Variants in TMED3 observed in about 807,000 individuals in gnomAD.
TMED3 encodes the protein transmembrane emp24 domain-containing protein 3.
TMED3 carries 9 observed loss-of-function variants against 15.0 expected under a neutral mutation model. The ratio of observed to expected loss-of-function variants is 0.60; its 90% CI spans 0.36 to 1.04. The LOEUF (loss-of-function observed/expected upper bound fraction) is 1.04, where lower values mean the gene tolerates loss of function less well. Ranked by LOEUF, TMED3 falls within the 50% of genes least tolerant of loss-of-function variation. The pLI is 0.01. For missense variants in TMED3, 267 were observed against 278.9 expected, an observed-to-expected ratio of 0.96 and a Z score of 0.30; for synonymous variants, 117 against 121.4, an observed-to-expected ratio of 0.96 and a Z score of 0.24.
At chr15:79,383,263 T>G (rs1893568159) in intron 2 of TMED3, 2 of 548,550 alleles carry the variant, frequency 3.6e-6, no homozygotes, top group Non-Finnish European at 6.5e-6. Flanking sequence ...CTATCTTGTT[T>G]TGGAAAATGT....
intron 1 of TMED3, among the ~76,000 whole-genome samples, chr15:79,313,153 A>C (rs1394622598): frequency 6.6e-6 from 1 of 152,178 alleles, no homozygotes; most frequent in Non-Finnish European, 1.5e-5. Flanking sequence ...AATGAGTGGC[A>C]GTGCCCTAAA....
chr15:79,402,750 C>T (rs1041177034), intron 2 of TMED3, among the ~76,000 whole-genome samples: 2 of 151,930 alleles, frequency 1.3e-5, no homozygotes, highest in African/African-American at 2.4e-5. Flanking sequence ...CGTGCCACTG[C>T]ACTCCAGCCT....
At chr15:79,409,799 G>A (rs1429349170) in intron 2 of TMED3, among the ~76,000 whole-genome samples, 1 of 152,082 alleles carries the variant, frequency 6.6e-6, no homozygotes, top group Non-Finnish European at 1.5e-5. Flanking sequence ...TAGTGAAGAG[G>A]CCAAGGTTCT....
downstream of TMED3, among the ~76,000 whole-genome samples, chr15:79,325,703 A>G (rs138154073): frequency 3.9e-4 from 60 of 152,288 alleles, no homozygotes; most frequent in African/African-American, 1.4e-3. Context: ...TAGGGAGGCC[A>G]ACAGTGCAGC....
At chr15:79,354,931 T>C (rs1308669971) in intron 2 of TMED3, among the ~76,000 whole-genome samples, 5 of 152,166 alleles carry the variant, frequency 3.3e-5, no homozygotes, top group Admixed American at 6.5e-5. Context: ...CTTAGCCCCA[T>C]AATGCCCTCT....
chr15:79,367,467 T>C (rs1315251040), intron 2 of TMED3, among the ~76,000 whole-genome samples: 1 of 152,208 alleles, frequency 6.6e-6, no homozygotes, highest in African/African-American at 2.4e-5. Context: ...ACCTCTTCCT[T>C]AAACTCTCCC....
At position 79,311,238 on chromosome 15, in the gene TMED3, A is replaced by AC; in HGVS notation, c.-10dup. 2 of 1,592,856 alleles carry AC rather than the reference A, an allele frequency of 1.3e-6. No homozygotes were observed. Among genetic ancestry groups the AC allele is most frequent in the Non-Finnish European group, 1.7e-6 (2 of 1,173,128 alleles). Reference sequence around the variant, plus strand: ...CCCGAGCCGCGGCCCTCGAGACGGGACCGAGAGCATCATGGGCAGCACTGT... The same window carrying AC: ...CCCGAGCCGCGGCCCTCGAGACGGGACCCGAGAGCATCATGGGCAGCACTGT... On this transcript the variant is annotated 5_prime_UTR_variant, in exon 1 of 3. Coordinates refer to ENST00000299705, the MANE Select transcript of TMED3 (RefSeq NM_007364.4).
intron 2 of TMED3, among the ~76,000 whole-genome samples, chr15:79,321,186 G>A (rs1281399099): frequency 6.6e-6 from 1 of 152,184 alleles, no homozygotes; most frequent in African/African-American, 2.4e-5. Context: ...CCATCTTCAG[G>A]TCAGCTGTGT....
At chr15:79,379,258 G>A (rs1009788591) in intron 2 of TMED3, among the ~76,000 whole-genome samples, 2 of 152,010 alleles carry the variant, frequency 1.3e-5, no homozygotes, top group Non-Finnish European at 2.9e-5. Context: ...TGCCTGCTTT[G>A]TAAATAATTT....
intron 2 of TMED3, among the ~76,000 whole-genome samples, chr15:79,367,943 T>C (rs1025617269): frequency 9.2e-5 from 14 of 152,148 alleles, no homozygotes; most frequent in Non-Finnish European, 1.6e-4. Context: ...TGAGTATACC[T>C]TTATCCAGGC....
At chr15:79,324,506 A>G (rs1307114132), downstream of TMED3, among the ~76,000 whole-genome samples, 1 of 152,218 alleles carries the variant, frequency 6.6e-6, no homozygotes, top group African/African-American at 2.4e-5. Context: ...ATGGATGATG[A>G]TGGGTATCAA....
chr15:79,360,324 GC>G (rs769899648), intron 2 of TMED3, among the ~76,000 whole-genome samples: 1 of 152,158 alleles, frequency 6.6e-6, no homozygotes, highest in Non-Finnish European at 1.5e-5. Context: ...AAAGTAGAGG[GC>G]CCAGGTTTCT....
At chr15:79,395,266 G>A (rs528727746) in intron 2 of TMED3, among the ~76,000 whole-genome samples, 3 of 152,204 alleles carry the variant, frequency 2.0e-5, no homozygotes, top group South Asian at 2.1e-4. Flanking sequence ...TGAAACCTCC[G>A]CCTCCTGGAT....
intron 2 of TMED3, among the ~76,000 whole-genome samples, chr15:79,337,361 C>T (rs1206744093): frequency 6.6e-6 from 1 of 152,192 alleles, no homozygotes; most frequent in Non-Finnish European, 1.5e-5. Context: ...AATTTAATTA[C>T]TTCTTTAAGC....
At chr15:79,344,808 G>A (rs1409581782) in intron 2 of TMED3, among the ~76,000 whole-genome samples, 1 of 152,168 alleles carries the variant, frequency 6.6e-6, no homozygotes, top group African/African-American at 2.4e-5. Flanking sequence ...AAACATTGGA[G>A]GCAAAGACTT....
intron 2 of TMED3, among the ~76,000 whole-genome samples, chr15:79,316,582 A>G (rs2058741266): frequency 6.6e-6 from 1 of 152,200 alleles, no homozygotes; most frequent in Non-Finnish European, 1.5e-5. Flanking sequence ...TACAGACTGA[A>G]GACCTCGGCA....
chr15:79,344,537 C>G (rs528306420), intron 2 of TMED3, among the ~76,000 whole-genome samples: 1 of 152,146 alleles, frequency 6.6e-6, no homozygotes, highest in South Asian at 2.1e-4. Flanking sequence ...GTTTCTTGGT[C>G]TCTCTCTCTT....
At chr15:79,376,092 G>GTTTTTTTTTTTTTTTTTTTTTTTTTT (rs199728545) in intron 2 of TMED3, among the ~76,000 whole-genome samples, 2 of 112,064 alleles carry the variant, frequency 1.8e-5, no homozygotes, top group African/African-American at 3.6e-5. Flanking sequence ...CTAGAGAAAG[G>GTTTTTTTTTTTTTTTTTTTTTTTTTT]TTTTTTTTTT....
chr15:79,354,246 C>T (rs1335520582), intron 2 of TMED3, among the ~76,000 whole-genome samples: 1 of 152,038 alleles, frequency 6.6e-6, no homozygotes, highest in East Asian at 1.9e-4. Flanking sequence ...CTTGGCTGTT[C>T]TCTGTGGGGT....
Sources: gnomAD v4.1 joint callset for allele counts (sites outside exome capture counted in the v4.1 genomes callset) on GRCh38, gnomAD v4.1.1 for gene constraint, MANE v1.5 for transcripts, NCBI Gene and HGNC (gene_info 2026-07-23, HGNC 2026-07-21) for gene names.